Variants in SLC14A1 observed in about 807,000 individuals in gnomAD.
SLC14A1 encodes the protein urea transporter 1.
In SLC14A1, 36 loss-of-function variants were observed where a neutral mutation model predicts 39.6. That is an observed-to-expected ratio of 0.91 (90% CI 0.70 to 1.20). The LOEUF (loss-of-function observed/expected upper bound fraction) is 1.20. SLC14A1 is among the 50% of genes most tolerant of loss of function. The pLI is 0.00. For synonymous variants in SLC14A1, 164 were observed against 173.6 expected, an observed-to-expected ratio of 0.94 and a Z score of 0.43; for missense variants, 469 against 478.7, an observed-to-expected ratio of 0.98 and a Z score of 0.19.
chr18:45,735,062 T>G (rs8083653), intron 5 of SLC14A1, among the ~76,000 whole-genome samples: 1 of 151,954 alleles, frequency 6.6e-6, no homozygotes, highest in East Asian at 1.9e-4. Context: ...TGCAGGTGTC[T>G]TTTTGGTAGA....
In SLC14A1 at chr18:45,750,527, G is replaced by A. The variant is rs2047677228; in HGVS notation, c.*576G>A. 1.0e-6 allele frequency: 1 copy of A among 993,228 alleles called. No individual in the cohort carries two copies. The highest frequency in any genetic ancestry group is 1.2e-6 in the Non-Finnish European group (1 of 834,372). 61.5% of individuals were successfully genotyped at this position (993,228 alleles called of 1,614,324 possible). On this transcript the variant is annotated 3_prime_UTR_variant, in exon 10 of 10. Coordinates refer to ENST00000321925, the MANE Select transcript of SLC14A1 (RefSeq NM_015865.7). ...CAATGGCCTGCACCCTATCCCTTGTGTGTGTGACATTCTCTCATGGGACAA... is the reference window on the plus strand; with the variant it reads ...CAATGGCCTGCACCCTATCCCTTGTATGTGTGACATTCTCTCATGGGACAA...
At position 45,731,044 on chromosome 18, in the gene SLC14A1, T is replaced by G. The variant is rs146420195; in HGVS notation, c.181T>G (p.Trp61Gly). 1.2e-6 allele frequency: 2 copies of G among 1,614,210 alleles called. No individual in the cohort carries two copies. Among genetic ancestry groups the G allele is most frequent in the African/African-American group, 2.7e-5 (2 of 75,060 alleles). ...DKPVVLQFID[W>G]ILRGISQVVF... ...ACCCGTGGTGCTCCAGTTCATTGAC[T>G]GGATTCTCCGGGGCATATCCCAAGT... The change falls in exon 4 of 10, where the codon TGG becomes GGG. Residue 61 changes from tryptophan (W) to glycine (G), a missense_variant. By Grantham distance (184) the Trp-to-Gly change is radical (BLOSUM62 -2). Transcript: ENST00000321925.
At chr18:45,738,735 G>C (rs1277367185) in intron 6 of SLC14A1, among the ~76,000 whole-genome samples, 1 of 152,138 alleles carries the variant, frequency 6.6e-6, no homozygotes, top group Non-Finnish European at 1.5e-5. Flanking sequence ...GGGATGCATG[G>C]ATAGATTAAA....
At chr18:45,724,643 T>A (rs1408986601) in intron 1 of SLC14A1, among the ~76,000 whole-genome samples, 1 of 152,188 alleles carries the variant, frequency 6.6e-6, no homozygotes, top group African/African-American at 2.4e-5. Flanking sequence ...GCTGTGTTCT[T>A]GAAATAAGTT....
chr18:45,738,579 A>C (rs1300531525), intron 6 of SLC14A1, among the ~76,000 whole-genome samples: 1 of 152,224 alleles, frequency 6.6e-6, no homozygotes, highest in Non-Finnish European at 1.5e-5. Context: ...TTAAATGAAT[A>C]CATGTTCCAC....
intron 5 of SLC14A1, 43 bp from the exon 6 acceptor site, chr18:45,736,413 T>C (rs1192252178): frequency 6.3e-7 from 1 of 1,594,330 alleles, no homozygotes; most frequent in Admixed American, 1.7e-5. Context: ...TGTGTCAGCC[T>C]GCTTTGTCAC....
Position 45,724,194 on chromosome 18 carries a change from A to C in SLC14A1, c.-165A>C, listed in dbSNP as rs2046802385. 6.6e-6 allele frequency: 1 copy of C among 152,218 alleles called. No individual in the cohort carries two copies. Among genetic ancestry groups the C allele is most frequent in the Non-Finnish European group, 1.5e-5 (1 of 68,066 alleles). The allele number at this position is 152,218 out of a possible 1,614,324, so 9.4% of individuals were successfully genotyped here. A position where few individuals can be genotyped will look rare whatever the true frequency, so the allele number is the denominator to read the frequency against. Reference sequence around the variant, plus strand: ...CCTCCCTCCAGCACCATCTCCTGAGAAGCACTCTCCCTTGTCGTGGAGGTG... The same window carrying C: ...CCTCCCTCCAGCACCATCTCCTGAGCAGCACTCTCCCTTGTCGTGGAGGTG... On this transcript the variant is annotated 5_prime_UTR_variant, in exon 1 of 10. Coordinates refer to ENST00000321925, the MANE Select transcript of SLC14A1 (RefSeq NM_015865.7).
chr18:45,749,640 C>A, intron 9 of SLC14A1, 138 bp from the exon 10 acceptor site: 1 of 975,820 alleles, frequency 1.0e-6, no homozygotes, highest in Non-Finnish European at 1.6e-6. Flanking sequence ...TCAGTCTCCA[C>A]GAGCATGCAC....
At chr18:45,737,202 C>A (rs1217692940) in intron 6 of SLC14A1, among the ~76,000 whole-genome samples, 5 of 152,226 alleles carry the variant, frequency 3.3e-5, no homozygotes, top group Non-Finnish European at 5.9e-5. Flanking sequence ...AAATCACAAT[C>A]TCTAAGGGTG....
At chr18:45,742,353 G>GTTTTTTTTTTTTTTTTTTTTTTTTTTTT (rs34628652) in intron 8 of SLC14A1, among the ~76,000 whole-genome samples, 1 of 118,054 alleles carries the variant, frequency 8.5e-6, no homozygotes, top group Non-Finnish European at 1.6e-5. Flanking sequence ...TTGTTTTTTG[G>GTTTTTTTTTTTTTTTTTTTTTTTTTTTT]TTTTTTTTTT....
At chr18:45,730,274 C>T (rs2046989333) in intron 2 of SLC14A1, 26 bp from the exon 3 acceptor site, 1 of 1,604,100 alleles carries the variant, frequency 6.2e-7, no homozygotes, top group Non-Finnish European at 8.5e-7. Flanking sequence ...CTTAGGGATA[C>T]TTATAAGCTC....
rs1483301517 is a variant in SLC14A1, at chr18:45,739,440, C to A, written c.812-88C>A. On this transcript the variant is annotated intron_variant, in intron 7 of 9. Coordinates refer to ENST00000321925, the MANE Select transcript of SLC14A1 (RefSeq NM_015865.7). ...GGGACCAATGGGAGTTCCCGGGATG[C>A]TTCCTGCTAACTTTCAATCCCACCC... The A allele has an allele frequency of 3.1e-6, 5 of 1,605,820 alleles. No individual in the cohort carries two copies. In the East Asian group the frequency reaches 8.9e-5, roughly 29 times the overall value.
chr18:45,746,520 A>T (rs1448880021), intron 8 of SLC14A1, among the ~76,000 whole-genome samples: 1 of 152,208 alleles, frequency 6.6e-6, no homozygotes, highest in African/African-American at 2.4e-5. Context: ...TTTTAAAAAG[A>T]GAGAAAGCAA....
chr18:45,734,266 C>T lies in SLC14A1; in HGVS notation c.342-8C>T, dbSNP rs1453160853. The T allele has an allele frequency of 6.2e-7, 1 of 1,613,818 alleles. No homozygotes were observed. Among genetic ancestry groups the T allele is most frequent in the Non-Finnish European group, 8.5e-7 (1 of 1,179,844 alleles). On this transcript the variant is annotated splice_polypyrimidine_tract_variant and splice_region_variant and intron_variant, in intron 4 of 9. Transcript: ENST00000321925. ...GGAAATGTCCGTGCTGTGTCTCTTGCCCCACAGGTCATTAATAGCATCTGG... is the reference window on the plus strand; with the variant it reads ...GGAAATGTCCGTGCTGTGTCTCTTGTCCCACAGGTCATTAATAGCATCTGG...
chr18:45,747,416 C>A (rs565791335), intron 8 of SLC14A1, among the ~76,000 whole-genome samples: 2 of 152,066 alleles, frequency 1.3e-5, no homozygotes, highest in Non-Finnish European at 2.9e-5. Context: ...TGGCTGGGCG[C>A]GGTGGCTCAT....
chr18:45,731,244 G>T, intron 4 of SLC14A1, 40 bp downstream of exon 4: 2 of 1,592,788 alleles, frequency 1.3e-6, no homozygotes, highest in South Asian at 2.2e-5. Context: ...TCCCTTCTGA[G>T]ACACAGGGGC....
At chr18:45,727,286 TTTGA>T in intron 2 of SLC14A1, 11 of 1,551,696 alleles carry the variant, frequency 7.1e-6, no homozygotes, top group Non-Finnish European at 8.7e-6. Context: ...ATGGACGGTC[TTTGA>T]TTGGCGGCGC....
At position 45,739,571 on chromosome 18, in the gene SLC14A1, CTG is replaced by C. The variant is rs764297476; in HGVS notation, c.856_857del (p.Trp286GlyfsTer46). ...CATTTGAGGACATCTACTTTGGACT[CTG>C]GGGTTTCAACAGCTCTCTGGCCTGC... is the stretch of plus-strand genomic sequence containing the variant. ...APFEDIYFGL[W>X]GFNSSLACIA... On this transcript the variant is annotated frameshift_variant, in exon 8 of 10. Transcript: ENST00000321925. LOFTEE classifies it high-confidence loss of function. 4 of 1,614,174 alleles carry C rather than the reference CTG, an allele frequency of 2.5e-6. No individual in the cohort carries two copies. Among genetic ancestry groups the C allele is most frequent in the Non-Finnish European group, 3.4e-6 (4 of 1,180,030 alleles).
chr18:45,742,606 C>T (rs762474923), intron 8 of SLC14A1, among the ~76,000 whole-genome samples: 1 of 151,704 alleles, frequency 6.6e-6, no homozygotes, highest in Non-Finnish European at 1.5e-5. Context: ...GATCTGTCCA[C>T]CCCGGCCTCC....
Sources: allele counts gnomAD v4.1 joint callset (sites outside exome capture counted in the v4.1 genomes callset), GRCh38; gene constraint gnomAD v4.1.1; transcripts MANE v1.5; gene names NCBI Gene and HGNC (gene_info 2026-07-23, HGNC 2026-07-21).